DYNC2I1: variants seen among roughly 807,000 people sequenced by gnomAD.
The protein encoded by DYNC2I1 is dynein 2 intermediate chain 1, also known as cytoplasmic dynein 2 intermediate chain 1.
DYNC2I1 carries 89 observed loss-of-function variants against 133.4 expected under a neutral mutation model. That is an observed-to-expected ratio of 0.67 (90% CI 0.56 to 0.80). The LOEUF is 0.80. Ranked by LOEUF, DYNC2I1 falls within the 30% of genes least tolerant of loss-of-function variation. DYNC2I1 has a pLI of 0.00. For synonymous variants in DYNC2I1, 504 were observed against 484.3 expected, an observed-to-expected ratio of 1.04 and a Z score of -0.54; for missense variants, 1,291 against 1,314.5, an observed-to-expected ratio of 0.98 and a Z score of 0.28.
Position 158,912,903 on chromosome 7 carries a change from T to C in DYNC2I1, c.1591-82T>C, listed in dbSNP as rs148990335. 12 of 971,738 alleles carry C rather than the reference T, an allele frequency of 1.2e-5. No individual in the cohort carries two copies. In the Admixed American group the frequency reaches 2.9e-4, roughly 24 times the overall value. The allele number at this position is 971,738 out of a possible 1,614,324, so 60.2% of individuals were successfully genotyped here. A position where few individuals can be genotyped will look rare whatever the true frequency, so the allele number is the denominator to read the frequency against. ...GCTTTGATACTTACTTTTGACACAG[T>C]GACTCTCATTATTATTTCAGTAATG... On this transcript the variant is annotated intron_variant, in intron 12 of 24. Transcript: ENST00000407559.
chr7:158,899,396 A>G (rs1003206045), intron 8 of DYNC2I1, among the ~76,000 whole-genome samples: 3 of 152,178 alleles, frequency 2.0e-5, no homozygotes, highest in Non-Finnish European at 4.4e-5. Context: ...TTTTGCTACT[A>G]TTATTCTGAA....
At chr7:158,892,067 C>T (rs959566994) in intron 8 of DYNC2I1, among the ~76,000 whole-genome samples, 1 of 152,174 alleles carries the variant, frequency 6.6e-6, no homozygotes, top group Non-Finnish European at 1.5e-5. Flanking sequence ...CAGTGTGGTT[C>T]TAGCTCTGCA....
At chr7:158,944,840 C>T (rs1851719646) in intron 24 of DYNC2I1, among the ~76,000 whole-genome samples, 1 of 152,186 alleles carries the variant, frequency 6.6e-6, no homozygotes, top group South Asian at 2.1e-4. Context: ...ACGGGGTCCC[C>T]AGCCACGCCT....
the DYNC2I1 span, among the ~76,000 whole-genome samples, chr7:158,849,651 C>G: frequency 6.6e-6 from 1 of 152,210 alleles, no homozygotes; most frequent in Admixed American, 6.5e-5. Flanking sequence ...CAGCTCCGCT[C>G]TGCAGCTGGT....
At chr7:158,932,312 TGAG>T (rs947830528) in intron 21 of DYNC2I1, among the ~76,000 whole-genome samples, 6 of 152,028 alleles carry the variant, frequency 3.9e-5, no homozygotes, top group African/African-American at 1.4e-4. Context: ...GGGGACATCT[TGAG>T]GAGGCAAAGA....
chr7:158,854,418 G>A (rs144251969), upstream of DYNC2I1, among the ~76,000 whole-genome samples: 308 of 149,032 alleles, frequency 2.1e-3, 2 homozygotes, highest in African/African-American at 7.3e-3. Flanking sequence ...ACCAAACACC[G>A]CATGTTCTCA....
intron 1 of DYNC2I1, among the ~76,000 whole-genome samples, chr7:158,865,956 C>T (rs1172052456): frequency 6.6e-6 from 1 of 152,112 alleles, no homozygotes; most frequent in African/African-American, 2.4e-5. Context: ...GTTTTAAGCG[C>T]TCCAAAGTAG....
intron 5 of DYNC2I1, among the ~76,000 whole-genome samples, chr7:158,883,953 C>T (rs1370507843): frequency 6.6e-6 from 1 of 151,666 alleles, no homozygotes. Context: ...CGTGAGCCAC[C>T]GCGCCCGGCC....
intron 2 of DYNC2I1, among the ~76,000 whole-genome samples, chr7:158,870,290 A>G (rs1404349708): frequency 6.6e-6 from 1 of 152,226 alleles, no homozygotes; most frequent in East Asian, 1.9e-4. Flanking sequence ...CGACTTTAAA[A>G]CACAGCTTCA....
chr7:158,892,989 C>T (rs1366598131), intron 8 of DYNC2I1, among the ~76,000 whole-genome samples: 1 of 151,752 alleles, frequency 6.6e-6, no homozygotes, highest in East Asian at 1.9e-4. Flanking sequence ...TCCCATATAC[C>T]CCCTCGCCCC....
At chr7:158,875,903 G>A (rs1170049889) in intron 3 of DYNC2I1, among the ~76,000 whole-genome samples, 2 of 152,202 alleles carry the variant, frequency 1.3e-5, no homozygotes, top group Non-Finnish European at 2.9e-5. Flanking sequence ...CCTGAAGGCT[G>A]TATGAGTTTG....
chr7:158,945,935 A>G lies in DYNC2I1; in HGVS notation c.*156A>G. 1 of 742,354 alleles carries G rather than the reference A, an allele frequency of 1.3e-6. No individual in the cohort carries two copies. The highest frequency in any genetic ancestry group is 1.9e-6 in the Non-Finnish European group (1 of 521,394). 46.0% of individuals were successfully genotyped at this position (742,354 alleles called of 1,614,324 possible). A position where few individuals can be genotyped will look rare whatever the true frequency, so the allele number is the denominator to read the frequency against. On this transcript the variant is annotated 3_prime_UTR_variant, in exon 25 of 25. Coordinates refer to ENST00000407559, the MANE Select transcript of DYNC2I1 (RefSeq NM_018051.5). This position sits in a 1 kb window ranked among gnomAD's most constrained non-coding sequence, Gnocchi z 4.1. Reference sequence around the variant, plus strand: ...ACATGAATATGTCTTTGGTATTCCCAGTAAATAGATGACTACTTTTGAGTG... The same window carrying G: ...ACATGAATATGTCTTTGGTATTCCCGGTAAATAGATGACTACTTTTGAGTG...
At chr7:158,937,774 G>C (rs1237795610) in intron 23 of DYNC2I1, among the ~76,000 whole-genome samples, 1 of 152,082 alleles carries the variant, frequency 6.6e-6, no homozygotes, top group Non-Finnish European at 1.5e-5. Context: ...TGCCAAGAAT[G>C]GTGGCATGTG....
At chr7:158,901,406 A>T (rs1846248027) in intron 8 of DYNC2I1, among the ~76,000 whole-genome samples, 1 of 151,924 alleles carries the variant, frequency 6.6e-6, no homozygotes, top group South Asian at 2.1e-4. Flanking sequence ...AGATAAGCTG[A>T]GCACCATTCA....
chr7:158,947,606 G>A (rs991251103), downstream of DYNC2I1, among the ~76,000 whole-genome samples: 16 of 152,296 alleles, frequency 1.1e-4, 1 homozygote, highest in Admixed American at 9.1e-4. Context: ...TGGCTCCTGA[G>A]TTATGTGCCC....
At chr7:158,902,701 G>A in intron 10 of DYNC2I1, 106 bp downstream of exon 10, 1 of 1,019,522 alleles carries the variant, frequency 9.8e-7, no homozygotes, top group Non-Finnish European at 1.5e-6. Flanking sequence ...GGTGGGTGGA[G>A]CAGTAACATC....
At chr7:158,942,867 G>A (rs970185550) in intron 24 of DYNC2I1, among the ~76,000 whole-genome samples, 12 of 152,308 alleles carry the variant, frequency 7.9e-5, no homozygotes, top group East Asian at 1.9e-4. Context: ...GAATTAAGAC[G>A]GCTGCACTCC....
At chr7:158,843,570 A>AT in the DYNC2I1 span, among the ~76,000 whole-genome samples, 1 of 151,536 alleles carries the variant, frequency 6.6e-6, no homozygotes, top group Admixed American at 6.6e-5. Flanking sequence ...TCATTTTTGT[A>AT]TTTTTTGTAG....
chr7:158,848,418 G>T, the DYNC2I1 span, among the ~76,000 whole-genome samples: 1 of 152,166 alleles, frequency 6.6e-6, no homozygotes, highest in Non-Finnish European at 1.5e-5. Context: ...TGTTTGAGAA[G>T]TCTCATCAAA....
Sources: gnomAD v4.1 joint callset for allele counts (sites outside exome capture counted in the v4.1 genomes callset) on GRCh38, gnomAD v4.1.1 for gene constraint, Gnocchi (gnomAD v3.1) non-coding constraint, MANE v1.5 for transcripts, NCBI Gene and HGNC (gene_info 2026-07-23, HGNC 2026-07-21) for gene names.